The following NDUFAF6 variants were observed in gnomAD, a reference collection of about 807,000 sequenced individuals.
NDUFAF6 encodes the protein NADH dehydrogenase (ubiquinone) complex I, assembly factor 6.
A neutral mutation model predicts 40.8 loss-of-function variants in NDUFAF6; 45 were observed. That is an observed-to-expected ratio of 1.10 (90% CI 0.87 to 1.42). The LOEUF (loss-of-function observed/expected upper bound fraction) is 1.42, where lower values mean the gene tolerates loss of function less well. NDUFAF6 is among the 40% of genes most tolerant of loss of function. NDUFAF6 has a pLI of 0.00. For missense variants in NDUFAF6, 435 were observed against 418.5 expected, an observed-to-expected ratio of 1.04 and a Z score of -0.34; for synonymous variants, 185 against 155.9, an observed-to-expected ratio of 1.19 and a Z score of -1.39.
At chr8:94,940,993 C>G (rs759414700) in intron 1 of NDUFAF6, 1 of 1,425,346 alleles carries the variant, frequency 7.0e-7, no homozygotes, top group African/African-American at 1.4e-5. Flanking sequence ...GCTGAGATTT[C>G]AAAACCTTGT....
intron 8 of NDUFAF6, among the ~76,000 whole-genome samples, chr8:95,056,431 T>G (rs1367700400): frequency 6.6e-6 from 1 of 152,052 alleles, no homozygotes; most frequent in Non-Finnish European, 1.5e-5. Flanking sequence ...CAGGCTAGTC[T>G]TGAACTCTTG....
In NDUFAF6 at chr8:95,088,689, T is replaced by TTGTGTGTG. The variant is rs545260109; in HGVS notation, n.214-12411_214-12404dup. 8.6e-3 allele frequency among the ~76,000 whole-genome samples: 1,228 copies of TTGTGTGTG among 142,326 alleles called. 11 individuals carry two copies. The highest frequency in any genetic ancestry group is 0.011 in the Admixed American group (159 of 14,324). The allele number at this position is 142,326 out of a possible 152,430, so 93.4% of individuals were successfully genotyped here. A position where few individuals can be genotyped will look rare whatever the true frequency, so the allele number is the denominator to read the frequency against. ...TCAGCCAAGTCACTTTTTTGGGGTT[T>TTGTGTGTG]TGTGTGTGTGTGTGTGTGTGTGTGT... On this transcript the variant is annotated intron_variant and non_coding_transcript_variant, in intron 2 of 5. Transcript: ENST00000523184.
intron 2 of NDUFAF6, among the ~76,000 whole-genome samples, chr8:95,011,193 G>A (rs1407473810): frequency 1.3e-5 from 2 of 152,184 alleles, no homozygotes; most frequent in East Asian, 1.9e-4. Flanking sequence ...TCAGTGACAC[G>A]TGCTAGCCAC....
chr8:95,088,691 G>T (rs1262233102), intron 2 of NDUFAF6, among the ~76,000 whole-genome samples: 6 of 91,946 alleles, frequency 6.5e-5, no homozygotes, highest in African/African-American at 3.4e-4. Context: ...TTGGGGTTTT[G>T]TGTGTGTGTG....
At chr8:94,959,658 G>A (rs1210401280) in intron 1 of NDUFAF6, among the ~76,000 whole-genome samples, 1 of 151,890 alleles carries the variant, frequency 6.6e-6, no homozygotes, top group Non-Finnish European at 1.5e-5. Flanking sequence ...AGCCTCCTGA[G>A]TAGTTGGGAC....
At chr8:95,107,765 G>A (rs1444533294), downstream of NDUFAF6, among the ~76,000 whole-genome samples, 1 of 152,182 alleles carries the variant, frequency 6.6e-6, no homozygotes, top group Non-Finnish European at 1.5e-5. Flanking sequence ...TACCAAGGAA[G>A]TCATCAAGGA....
chr8:94,943,876 T>C (rs1444663747), intron 1 of NDUFAF6, among the ~76,000 whole-genome samples: 1 of 152,186 alleles, frequency 6.6e-6, no homozygotes, highest in African/African-American at 2.4e-5. Flanking sequence ...GGCCAAATCA[T>C]GAAGGCTGGA....
chr8:95,116,231 A>G (rs566955723), intron 5 of NDUFAF6: 2 of 152,428 alleles, frequency 1.3e-5, no homozygotes, highest in South Asian at 4.1e-4. Context: ...CAACAGCTGG[A>G]ATATTCTCAG....
intron 8 of NDUFAF6, chr8:95,055,353 A>G (rs891870552): frequency 6.6e-6 from 1 of 152,196 alleles, no homozygotes; most frequent in Non-Finnish European, 1.5e-5. Flanking sequence ...ACACCAAAAG[A>G]TAACTGCTAG....
At chr8:95,038,464 A>G (rs1378895161) in intron 3 of NDUFAF6, among the ~76,000 whole-genome samples, 1 of 151,540 alleles carries the variant, frequency 6.6e-6, no homozygotes, top group Non-Finnish European at 1.5e-5. Context: ...TTGATCTCCC[A>G]GGCCCGGGTA....
At chr8:95,097,223 G>A (rs11781134), upstream of NDUFAF6, among the ~76,000 whole-genome samples, 34,099 of 152,198 alleles carry the variant, frequency 0.22, 4,789 homozygotes, top group African/African-American at 0.4. Flanking sequence ...GGAGAATGGT[G>A]TAGGCTTCAT....
At position 95,039,567 on chromosome 8, in the gene NDUFAF6, C is replaced by T. The variant is rs150251822; in HGVS notation, c.421-2003C>T. Among the ~76,000 whole-genome samples the T allele has an allele frequency of 3.0e-3, 455 of 151,158 alleles. 1 individual carries two copies. The highest frequency in any genetic ancestry group is 9.9e-3 in the African/African-American group (409 of 41,170). ...TGCTGGTATTACAGGTATTAGCCAC[C>T]GCCCCGGCCTAATATTTTCTAAGAA... On this transcript the variant is annotated intron_variant, in intron 3 of 8. Coordinates refer to ENST00000396124, the MANE Select transcript of NDUFAF6 (RefSeq NM_152416.4).
downstream of NDUFAF6, among the ~76,000 whole-genome samples, chr8:95,063,616 CAAAA>C: frequency 6.6e-6 from 1 of 152,028 alleles, no homozygotes; most frequent in African/African-American, 2.4e-5. Flanking sequence ...CAAAACAAAA[CAAAA>C]AAACAGTCCT....
At chr8:94,977,803 C>T (rs1366590724) in intron 1 of NDUFAF6, among the ~76,000 whole-genome samples, 2 of 152,104 alleles carry the variant, frequency 1.3e-5, no homozygotes, top group East Asian at 3.8e-4. Context: ...GAAATTCTGA[C>T]TTAACTGATG....
chr8:94,948,979 G>A (rs957371362), intron 2 of NDUFAF6, among the ~76,000 whole-genome samples: 2 of 150,282 alleles, frequency 1.3e-5, no homozygotes, highest in African/African-American at 4.9e-5. Flanking sequence ...GTGGGCGGCC[G>A]GGCCCGGCGG....
chr8:95,075,322 G>T (rs1832996016), intron 9 of NDUFAF6, among the ~76,000 whole-genome samples: 1 of 152,058 alleles, frequency 6.6e-6, no homozygotes, highest in Admixed American at 6.6e-5. Context: ...GTCATTTTTA[G>T]TTATACACTT....
At chr8:95,064,541 G>A (rs996117452) in intron 9 of NDUFAF6, among the ~76,000 whole-genome samples, 3 of 12,792 alleles carry the variant, frequency 2.3e-4, no homozygotes, top group Admixed American at 9.7e-4. Context: ...TCATTTATTC[G>A]TGTGTGTGTG....
chr8:95,026,876 T>C (rs1828209979), intron 1 of NDUFAF6, among the ~76,000 whole-genome samples: 1 of 151,318 alleles, frequency 6.6e-6, no homozygotes, highest in African/African-American at 2.4e-5. Context: ...AGCGGGATGC[T>C]GTTGCTACAA....
At chr8:95,074,704 G>C (rs925589119) in intron 9 of NDUFAF6, among the ~76,000 whole-genome samples, 1 of 151,998 alleles carries the variant, frequency 6.6e-6, no homozygotes, top group African/African-American at 2.4e-5. Context: ...TGGATTCCTT[G>C]TTCACTGTTT....
Sources: gnomAD v4.1 joint callset for allele counts (sites outside exome capture counted in the v4.1 genomes callset) on GRCh38, gnomAD v4.1.1 for gene constraint, MANE v1.5 for transcripts, NCBI Gene and HGNC (gene_info 2026-07-23, HGNC 2026-07-21) for gene names.